The following SCGB2B2 variants were observed in gnomAD, a reference collection of about 807,000 sequenced individuals.
SCGB2B2 encodes secretoglobin-like protein.
In SCGB2B2, 11 loss-of-function variants were observed where a neutral mutation model predicts 7.6. The observed-to-expected ratio is 1.45, with a 90% CI of 0.91 to 2.40. The LOEUF (loss-of-function observed/expected upper bound fraction) is 2.40. SCGB2B2 is among the 30% of genes most tolerant of loss of function. The probability of loss-of-function intolerance (pLI) is 0.00; values close to 1 mark genes in which losing one functional copy is unlikely to be tolerated. For synonymous variants in SCGB2B2, 50 were observed against 48.6 expected (o/e 1.03, Z -0.12); for missense variants, 104 against 115.4 (o/e 0.90, Z 0.45).
intron 1 of SCGB2B2, among the ~76,000 whole-genome samples, chr19:34,631,443 G>A (rs1036260725): frequency 4.6e-5 from 7 of 151,360 alleles, no homozygotes; most frequent in Non-Finnish European, 1.0e-4. Context: ...TGGTTTACAG[G>A]GTAGATAATG....
rs572966556 is a variant in SCGB2B2 at position 34,623,620 on chromosome 19, C to T, written c.-2031-27026G>A. Among the ~76,000 whole-genome samples, 11 of 152,206 alleles carry T rather than the reference C, an allele frequency of 7.2e-5. No individual in the cohort carries two copies. In the East Asian group the frequency reaches 7.7e-4, roughly 11 times the overall value. On this transcript the variant is annotated intron_variant, in intron 1 of 3. Transcript: ENST00000601241. ...TATCTCTGGGTATCCCAGACCTACT[C>T]GACCTAAAAGGCTCCCATGGTACCC...
At chr19:34,628,535 T>C (rs1038259595) in intron 1 of SCGB2B2, among the ~76,000 whole-genome samples, 1 of 152,000 alleles carries the variant, frequency 6.6e-6, no homozygotes, top group African/African-American at 2.4e-5. Context: ...GATAAATTCC[T>C]GGACACATAC....
chr19:34,673,759 G>A (rs749315051), intron 1 of SCGB2B2, among the ~76,000 whole-genome samples: 9 of 152,168 alleles, frequency 5.9e-5, no homozygotes, highest in Non-Finnish European at 1.3e-4. Context: ...TCTGGACTCT[G>A]CACTGTTGTA....
chr19:34,657,385 A>G (rs1187430594), intron 1 of SCGB2B2, among the ~76,000 whole-genome samples: 3 of 151,216 alleles, frequency 2.0e-5, no homozygotes, highest in African/African-American at 4.9e-5. Flanking sequence ...ACATAGGCTC[A>G]AAATAAAGGG....
intron 1 of SCGB2B2, among the ~76,000 whole-genome samples, chr19:34,674,199 C>G (rs2067867801): frequency 6.6e-6 from 1 of 152,140 alleles, no homozygotes; most frequent in African/African-American, 2.4e-5. Flanking sequence ...CCTATGTAAG[C>G]TTTTCTGGAT....
In SCGB2B2 at chr19:34,592,932, T is replaced by C. The variant is rs544490719; in HGVS notation, c.*623A>G. Among the ~76,000 whole-genome samples the C allele has an allele frequency of 4.6e-5, 7 of 151,960 alleles. No individual in the cohort carries two copies. Among genetic ancestry groups the C allele is most frequent in the East Asian group, 1.9e-4 (1 of 5,160 alleles). ...CCTGGGGAGCCCTGGAGGTTCTGCA[T>C]TGAGGGGTTGTGGGGTAGAGGTAGG... On this transcript the variant is annotated 3_prime_UTR_variant, in exon 4 of 4. Coordinates refer to ENST00000601241, the MANE Select transcript of SCGB2B2 (RefSeq NM_001025591.4).
intron 1 of SCGB2B2, chr19:34,635,173 C>A: frequency 6.7e-6 from 2 of 298,498 alleles, no homozygotes; most frequent in Non-Finnish European, 6.9e-6. Context: ...ACATTCACTG[C>A]ATTCATAAGG....
At position 34,590,961 on chromosome 19, in the gene SCGB2B2, G is replaced by A. The variant is rs914394135; in HGVS notation, c.*2594C>T. On this transcript the variant is annotated 3_prime_UTR_variant, in exon 4 of 4. Transcript: ENST00000601241. Reference sequence around the variant, plus strand: ...TTCTAATTCTTTTCATTTACTTCTGGTTGAAACTCTCCATCTTTGATTGCT... The same window carrying A: ...TTCTAATTCTTTTCATTTACTTCTGATTGAAACTCTCCATCTTTGATTGCT... 2.0e-5 allele frequency among the ~76,000 whole-genome samples: 3 copies of A among 152,124 alleles called. No individual in the cohort carries two copies. Among genetic ancestry groups the A allele is most frequent in the Non-Finnish European group, 2.9e-5 (2 of 68,038 alleles).
Position 34,649,768 on chromosome 19 carries a change from CACT to C in SCGB2B2, c.-2032+25859_-2032+25861del, listed in dbSNP as rs2067116546. Among the ~76,000 whole-genome samples the C allele has an allele frequency of 2.8e-5, 4 of 145,220 alleles. 1 individual carries two copies. Among genetic ancestry groups the C allele is most frequent in the African/African-American group, 1.1e-4 (4 of 34,862 alleles). ...ACTCGGGAGGCTGAAGCAGGAGAAT[CACT>C]TGAACCTAGGAGCTGAACAGGCAGA... On this transcript the variant is annotated intron_variant, in intron 1 of 3. Transcript: ENST00000601241.
At chr19:34,622,521 C>A (rs1338182759) in intron 1 of SCGB2B2, among the ~76,000 whole-genome samples, 1 of 152,184 alleles carries the variant, frequency 6.6e-6, no homozygotes, top group African/African-American at 2.4e-5. Flanking sequence ...TGGGCTTAAT[C>A]ATTTCCTTAC....
chr19:34,621,656 AGCATTCTTTAAGAAT>A (rs1370472427), intron 1 of SCGB2B2, among the ~76,000 whole-genome samples: 1 of 152,248 alleles, frequency 6.6e-6, no homozygotes, highest in Middle Eastern at 3.2e-3. Context: ...AATTAAGCTG[AGCATTCTTTAAGAAT>A]ATCCTTTTTC....
At chr19:34,642,714 C>CA (rs55922005) in intron 1 of SCGB2B2, among the ~76,000 whole-genome samples, 793 of 39,860 alleles carry the variant, frequency 0.02, 163 homozygotes, top group Admixed American at 0.16. Flanking sequence ...GACTCCGTCT[C>CA]AAAAAAAAAA....
intron 1 of SCGB2B2, among the ~76,000 whole-genome samples, chr19:34,597,127 T>C (rs2065479972): frequency 2.0e-5 from 3 of 151,768 alleles, no homozygotes; most frequent in Non-Finnish European, 4.4e-5. Flanking sequence ...CACCTGCCTG[T>C]GCCCAGCCAC....
chr19:34,587,229 C>T (rs1024744452), downstream of SCGB2B2, among the ~76,000 whole-genome samples: 3 of 152,028 alleles, frequency 2.0e-5, no homozygotes, highest in South Asian at 2.1e-4. Context: ...TTTTGAGTCT[C>T]GCATCTTTTA....
chr19:34,634,514 T>C (rs1159283750), intron 1 of SCGB2B2, among the ~76,000 whole-genome samples: 1 of 150,664 alleles, frequency 6.6e-6, no homozygotes, highest in Non-Finnish European at 1.5e-5. Context: ...GATGTCCAGA[T>C]GTGAGATTAA....
chr19:34,621,129 C>CTAAG (rs1270651473), intron 1 of SCGB2B2, among the ~76,000 whole-genome samples: 1 of 152,102 alleles, frequency 6.6e-6, no homozygotes, highest in African/African-American at 2.4e-5. Flanking sequence ...AATATTTTAT[C>CTAAG]TAAGTGCTTA....
intron 1 of SCGB2B2, among the ~76,000 whole-genome samples, chr19:34,616,539 T>G (rs1016809887): frequency 1.4e-4 from 19 of 138,194 alleles, no homozygotes; most frequent in Admixed American, 1.3e-3. Flanking sequence ...TGGGGTTGTT[T>G]TTTTCTTGTA....
At position 34,661,879 on chromosome 19, in the gene SCGB2B2, T is replaced by A. The variant is rs545566641; in HGVS notation, c.-2032+13751A>T. On this transcript the variant is annotated intron_variant, in intron 1 of 3. Transcript: ENST00000601241. ...TTGTTAGTGTTAGTGTATTTTTTTT[T>A]AATTTAATTTAATTTTTTTGAGATG... is the stretch of plus-strand genomic sequence containing the variant. 5.7e-4 allele frequency among the ~76,000 whole-genome samples: 87 copies of A among 152,206 alleles called. No individual in the cohort carries two copies. The East Asian group carries it at 9.9e-3, about 17-fold the overall frequency.
At chr19:34,674,367 A>G (rs999441080) in intron 1 of SCGB2B2, among the ~76,000 whole-genome samples, 1 of 152,246 alleles carries the variant, frequency 6.6e-6, no homozygotes, top group Non-Finnish European at 1.5e-5. Flanking sequence ...CTTTTCAAGG[A>G]CAAAGATAAC....
Sources: gnomAD v4.1 joint callset for allele counts (sites outside exome capture counted in the v4.1 genomes callset) on GRCh38, gnomAD v4.1.1 for gene constraint, MANE v1.5 for transcripts, NCBI Gene and HGNC (gene_info 2026-07-23, HGNC 2026-07-21) for gene names.